Variants in LPCAT1 observed in about 807,000 individuals in gnomAD.
LPCAT1 encodes the protein lysophosphatidylcholine acyltransferase 1.
In LPCAT1, 23 loss-of-function variants were observed where a neutral mutation model predicts 60.9. The ratio of observed to expected loss-of-function variants is 0.38; its 90% CI spans 0.27 to 0.53. The LOEUF is 0.53. LPCAT1 is among the 20% of genes least tolerant of loss of function. The pLI is 0.82. For synonymous variants in LPCAT1, 340 were observed against 301.1 expected (o/e 1.13, Z -1.34); for missense variants, 622 against 723.6 (o/e 0.86, Z 1.61).
At chr5:1,512,456 A>G (rs1010373714) in intron 1 of LPCAT1, among the ~76,000 whole-genome samples, 13 of 152,248 alleles carry the variant, frequency 8.5e-5, no homozygotes, top group African/African-American at 3.1e-4. Flanking sequence ...CAAGGGCCAT[A>G]GACCCCCAAC....
At chr5:1,494,646 TCTCACTCCCAGCAGGGCAGGGTCC>T (rs1735709930) in intron 3 of LPCAT1, 30 bp downstream of exon 3, 7 of 1,508,916 alleles carry the variant, frequency 4.6e-6, no homozygotes, top group South Asian at 2.3e-5. Flanking sequence ...CAGGGGGATC[TCTCACTCCCAGCAGGGCAGGGTCC>T]CTCACTCCCA....
rs1422302894 is a variant in LPCAT1, at chr5:1,494,854, G to A, written c.339C>T (p.His113=). 5 of 1,613,130 alleles carry A rather than the reference G, an allele frequency of 3.1e-6. No homozygotes were observed. Among genetic ancestry groups the A allele is most frequent in the Non-Finnish European group, 4.2e-6 (5 of 1,179,586 alleles). The part of the protein sequence containing the change: ...MRTMWFAGGF[H]RVAVKGRQAL... ...CCTGCCGCCCCTTCACGGCCACCCG[G>A]TGGAAGCCGCCGGCGAACCACATGG... Residue 113 remains histidine, a synonymous_variant, in exon 3 of 14, where the codon CAC becomes CAT. Transcript: ENST00000283415.
At position 1,483,563 on chromosome 5, in the gene LPCAT1, T is replaced by C. The variant is rs990885797; in HGVS notation, c.668-77A>G. 1 of 1,494,508 alleles carries C rather than the reference T, an allele frequency of 6.7e-7. No individual in the cohort carries two copies. The highest frequency in any genetic ancestry group is 1.4e-5 in the African/African-American group (1 of 72,428). The allele number at this position is 1,494,508 out of a possible 1,614,324, so 92.6% of individuals were successfully genotyped here. On this transcript the variant is annotated intron_variant, in intron 5 of 13. Coordinates refer to ENST00000283415, the MANE Select transcript of LPCAT1 (RefSeq NM_024830.5). This position sits in a 1 kb window ranked among gnomAD's most constrained non-coding sequence, Gnocchi z 9.2. ...GTCTGCTGCGTTTCTCATGCTGCCC[T>C]TGGGATAAAAGTGAGCTTTTCTGTC...
intron 8 of LPCAT1, among the ~76,000 whole-genome samples, chr5:1,478,342 TC>T (rs1462882757): frequency 1.3e-5 from 2 of 152,256 alleles, no homozygotes; most frequent in Admixed American, 6.5e-5. Flanking sequence ...TTCTAAAACT[TC>T]CGTAAACTGC....
At chr5:1,503,847 A>G (rs1178846221) in intron 1 of LPCAT1, among the ~76,000 whole-genome samples, 1 of 152,066 alleles carries the variant, frequency 6.6e-6, no homozygotes, top group Non-Finnish European at 1.5e-5. Context: ...TGCCTTTAAG[A>G]TAACAGTGAA....
intron 1 of LPCAT1, among the ~76,000 whole-genome samples, chr5:1,512,046 C>G (rs1736370473): frequency 1.3e-5 from 2 of 152,210 alleles, no homozygotes; most frequent in Non-Finnish European, 2.9e-5. Context: ...GAGGCTCCAC[C>G]TGGGCAGCCC....
chr5:1,470,989 TC>T, intron 11 of LPCAT1, 65 bp from the exon 12 acceptor site: 1 of 1,374,484 alleles, frequency 7.3e-7, no homozygotes, highest in Non-Finnish European at 1.0e-6. Flanking sequence ...CGCCAGGGTT[TC>T]CCATGGGTGC....
intron 1 of LPCAT1, among the ~76,000 whole-genome samples, chr5:1,505,352 A>C (rs1736149730): frequency 6.6e-6 from 1 of 152,196 alleles, no homozygotes; most frequent in Admixed American, 6.5e-5. Flanking sequence ...GTGTTCCTGA[A>C]ACAGCACCGA....
At chr5:1,499,578 AAAAATCTAGAAAGGCTAAATG>A (rs1411808745) in intron 2 of LPCAT1, among the ~76,000 whole-genome samples, 6 of 152,354 alleles carry the variant, frequency 3.9e-5, no homozygotes, top group African/African-American at 1.4e-4. Context: ...AGAGAATTTT[AAAAATCTAGAAAGGCTAAATG>A]AAGAACTAAA....
At chr5:1,505,619 G>C (rs1324664773) in intron 1 of LPCAT1, among the ~76,000 whole-genome samples, 1 of 152,226 alleles carries the variant, frequency 6.6e-6, no homozygotes, top group African/African-American at 2.4e-5. Flanking sequence ...GCCAGCCAGT[G>C]GGGGGATGCA....
Position 1,489,184 on chromosome 5 carries a change from C to T in LPCAT1, c.606+562G>A, listed in dbSNP as rs1157156647. On this transcript the variant is annotated intron_variant, in intron 4 of 13. Transcript: ENST00000283415. ...AGCTGGGGCACCCTGGAAGTCACAGCCCTCTAAGGGGCTGCCCCCAGCCAG... is the reference window on the plus strand; with the variant it reads ...AGCTGGGGCACCCTGGAAGTCACAGTCCTCTAAGGGGCTGCCCCCAGCCAG... Among the ~76,000 whole-genome samples, 5 of 152,336 alleles carry T rather than the reference C, an allele frequency of 3.3e-5. 1 individual carries two copies. In the East Asian group the frequency reaches 5.8e-4, roughly 18 times the overall value.
At chr5:1,472,011 A>G (rs57419292) in intron 11 of LPCAT1, among the ~76,000 whole-genome samples, 23 of 143,058 alleles carry the variant, frequency 1.6e-4, no homozygotes, top group East Asian at 4.3e-4. Context: ...AGCACTCAGG[A>G]GCAGAGGGAG....
At chr5:1,498,747 C>T (rs1319856454) in intron 2 of LPCAT1, among the ~76,000 whole-genome samples, 1 of 152,158 alleles carries the variant, frequency 6.6e-6, no homozygotes, top group East Asian at 1.9e-4. Flanking sequence ...TACATGCACT[C>T]ACATGTACAC....
rs1735085289 is a variant in LPCAT1 at position 1,480,320 on chromosome 5, C to G, written c.761+622G>C. On this transcript the variant is annotated intron_variant, in intron 7 of 13. Coordinates refer to ENST00000283415, the MANE Select transcript of LPCAT1 (RefSeq NM_024830.5). This position sits in a 1 kb window ranked among gnomAD's most constrained non-coding sequence, Gnocchi z 6.4. Reference sequence around the variant, plus strand: ...ACCTCAACACCTTCACCTGAAAGCACCAGCGGACCCACATCCTCCCAAACG... The same window carrying G: ...ACCTCAACACCTTCACCTGAAAGCAGCAGCGGACCCACATCCTCCCAAACG... The G allele has an allele frequency of 8.1e-6, 8 of 984,936 alleles. No individual in the cohort carries two copies. The highest frequency in any genetic ancestry group is 8.4e-6 in the Non-Finnish European group (7 of 829,844). 61.0% of individuals were successfully genotyped at this position (984,936 alleles called of 1,614,324 possible).
intron 12 of LPCAT1, chr5:1,467,298 G>A (rs1734458137): frequency 1.0e-5 from 2 of 192,598 alleles, no homozygotes; most frequent in Admixed American, 6.1e-5. Flanking sequence ...GCAGGCTACA[G>A]CAGACGTGTT....
intron 11 of LPCAT1, 136 bp from the exon 12 acceptor site, chr5:1,471,060 G>T: frequency 1.5e-6 from 1 of 671,550 alleles, no homozygotes; most frequent in South Asian, 1.9e-5. Flanking sequence ...TGTGAAAAGG[G>T]AATCTTGGAA....
At chr5:1,520,403 CTG>C (rs1024759130) in intron 1 of LPCAT1, among the ~76,000 whole-genome samples, 1 of 152,224 alleles carries the variant, frequency 6.6e-6, no homozygotes, top group Admixed American at 6.5e-5. Flanking sequence ...ATAATCCTCT[CTG>C]TGGATTAGCC....
rs1283891448 is a variant in LPCAT1, at chr5:1,477,705, C to A, written c.817-219G>T. ...ACCTGAACACTCACCCTCATTGGTG[C>A]TCCCTGGGAGCACCTGCTGCCTACA... On this transcript the variant is annotated intron_variant, in intron 8 of 13. Coordinates refer to ENST00000283415, the MANE Select transcript of LPCAT1 (RefSeq NM_024830.5). The surrounding 1 kb of genome is among the most constrained non-coding windows in gnomAD (Gnocchi z 6.0). Among the ~76,000 whole-genome samples, 1 of 152,226 alleles carries A rather than the reference C, an allele frequency of 6.6e-6. No homozygotes were observed. Among genetic ancestry groups the A allele is most frequent in the East Asian group, 1.9e-4 (1 of 5,198 alleles).
rs998777990 is a variant in LPCAT1, at chr5:1,479,525, C to A, written c.816+96G>T. On this transcript the variant is annotated intron_variant, in intron 8 of 13. Coordinates refer to ENST00000283415, the MANE Select transcript of LPCAT1 (RefSeq NM_024830.5). ...ATGGGAAAGCAAGACAGGTGATATG[C>A]CACATTGTACAAGGCTTATCTGGGC... 47 of 891,498 alleles carry A rather than the reference C, an allele frequency of 5.3e-5. No individual in the cohort carries two copies. In the Middle Eastern group the frequency reaches 8.7e-4, roughly 17 times the overall value. The allele number at this position is 891,498 out of a possible 1,614,324, so 55.2% of individuals were successfully genotyped here. A position where few individuals can be genotyped will look rare whatever the true frequency, so the allele number is the denominator to read the frequency against.
Sources: allele counts gnomAD v4.1 joint callset (sites outside exome capture counted in the v4.1 genomes callset), GRCh38; gene constraint gnomAD v4.1.1; non-coding constraint Gnocchi (gnomAD v3.1); transcripts MANE v1.5; gene names NCBI Gene and HGNC (gene_info 2026-07-23, HGNC 2026-07-21).